Variants in PAN3 observed in about 807,000 individuals in gnomAD.
PAN3 encodes poly(A) specific ribonuclease subunit PAN3.
Under a neutral mutation model 96.2 loss-of-function variants are expected in PAN3, and 19 were observed. The ratio of observed to expected loss-of-function variants is 0.20; its 90% CI spans 0.14 to 0.29. The LOEUF (loss-of-function observed/expected upper bound fraction) is 0.29, where lower values mean the gene tolerates loss of function less well. Ranked by LOEUF, PAN3 falls within the 10% of genes least tolerant of loss-of-function variation. PAN3 has a pLI of 1.00. For synonymous variants in PAN3, 433 were observed against 406.6 expected, an observed-to-expected ratio of 1.06 and a Z score of -0.78; for missense variants, 882 against 1,108.1, an observed-to-expected ratio of 0.80 and a Z score of 2.90.
intron 6 of PAN3, among the ~76,000 whole-genome samples, chr13:28,221,230 G>GACA (rs1881371637): frequency 6.6e-6 from 1 of 151,952 alleles, no homozygotes; most frequent in Admixed American, 6.6e-5. Context: ...CAATCACATT[G>GACA]AATTCATAGT....
At chr13:28,177,792 C>A in intron 3 of PAN3, 73 bp from the exon 4 acceptor site, 2 of 1,224,794 alleles carry the variant, frequency 1.6e-6, no homozygotes, top group South Asian at 2.5e-5. Context: ...TAGGCATTGT[C>A]AAATTAAACA....
intron 1 of PAN3, among the ~76,000 whole-genome samples, chr13:28,169,222 C>CTTTTTTTTTTTTTTT (rs202200725): frequency 1.2e-4 from 9 of 74,990 alleles, no homozygotes; most frequent in Admixed American, 2.0e-4. Flanking sequence ...TTTTTGTTTG[C>CTTTTTTTTTTTTTTT]TTTTTTTTTT....
rs1869933959 is a variant in PAN3, at chr13:28,292,935, G to A, written c.*413G>A. 3.3e-5 allele frequency: 5 copies of A among 153,496 alleles called. No individual in the cohort carries two copies. The Admixed American group carries it at 3.3e-4, about 10-fold the overall frequency. The allele number at this position is 153,496 out of a possible 1,614,324, so 9.5% of individuals were successfully genotyped here. The stretch of plus-strand genomic sequence containing the variant: ...TGCTGGGCAGCGTTTTTGCCATTGA[G>A]GGTTGCAGAATTTGCTCTTTTTGGG... On this transcript the variant is annotated 3_prime_UTR_variant, in exon 19 of 19. Coordinates refer to ENST00000380958, the MANE Select transcript of PAN3 (RefSeq NM_175854.8).
intron 5 of PAN3, chr13:28,215,763 C>G: frequency 2.7e-6 from 4 of 1,458,970 alleles, no homozygotes; most frequent in Non-Finnish European, 3.8e-6. Flanking sequence ...CTCAGACCAT[C>G]CTCTTCTGAG....
chr13:28,232,050 T>G (rs556902685), intron 6 of PAN3, among the ~76,000 whole-genome samples: 2 of 152,324 alleles, frequency 1.3e-5, no homozygotes, highest in South Asian at 4.1e-4. Flanking sequence ...AAGGTAAACA[T>G]TTAGCACTTT....
In PAN3 at chr13:28,175,130, A is replaced by T. The variant is rs934432791; in HGVS notation, c.552+737A>T. Among the ~76,000 whole-genome samples, 3 of 152,228 alleles carry T rather than the reference A, an allele frequency of 2.0e-5. No individual in the cohort carries two copies. In the East Asian group the frequency reaches 5.8e-4, roughly 29 times the overall value. ...TAGTGTTTTTAATTGGAAAACTGCCATAATAGTAAAGGCAATGTATTGTCC... is the reference window on the plus strand; with the variant it reads ...TAGTGTTTTTAATTGGAAAACTGCCTTAATAGTAAAGGCAATGTATTGTCC... On this transcript the variant is annotated intron_variant, in intron 2 of 18. Transcript: ENST00000380958.
intron 1 of PAN3, among the ~76,000 whole-genome samples, chr13:28,141,069 T>A (rs893096886): frequency 6.7e-6 from 1 of 148,674 alleles, no homozygotes; most frequent in Non-Finnish European, 1.5e-5. Context: ...AGTGGTGCGA[T>A]CTCGGCTCAC....
intron 5 of PAN3, among the ~76,000 whole-genome samples, chr13:28,211,067 A>AT (rs1176683619): frequency 2.0e-5 from 3 of 151,958 alleles, no homozygotes; most frequent in Non-Finnish European, 2.9e-5. Flanking sequence ...AATTTAAAAA[A>AT]ATTTTTTTTT....
intron 6 of PAN3, among the ~76,000 whole-genome samples, chr13:28,235,696 T>TAC (rs34812975): frequency 0.61 from 85,235 of 140,366 alleles, 27,284 homozygotes; most frequent in Admixed American, 0.72. Context: ...CACACACACA[T>TAC]ACACACACAC....
chr13:28,245,163 T>C (rs1477810571), intron 6 of PAN3, among the ~76,000 whole-genome samples: 1 of 152,196 alleles, frequency 6.6e-6, no homozygotes, highest in Non-Finnish European at 1.5e-5. Context: ...GCTAATATTT[T>C]TAAATTTTGT....
At chr13:28,228,347 T>A (rs1882211969) in intron 6 of PAN3, among the ~76,000 whole-genome samples, 1 of 152,144 alleles carries the variant, frequency 6.6e-6, no homozygotes, top group South Asian at 2.1e-4. Context: ...GGTAGGGTCT[T>A]AGTAAAAGGA....
At chr13:28,193,791 CT>C (rs202027470) in intron 4 of PAN3, among the ~76,000 whole-genome samples, 2,747 of 149,162 alleles carry the variant, frequency 0.018, 80 homozygotes, top group African/African-American at 0.064. Flanking sequence ...GAGCAACAAC[CT>C]TTTTTTTCAA....
chr13:28,290,305 CG>C lies in PAN3; in HGVS notation c.2524-2075del, dbSNP rs202099300. On this transcript the variant is annotated intron_variant, in intron 18 of 18. Coordinates refer to ENST00000380958, the MANE Select transcript of PAN3 (RefSeq NM_175854.8). Reference sequence around the variant, plus strand: ...TGGTAACCTTTCAGGGAAAATGTTACGGTTTGTTTTTAAGCACTACTTTGCC... The same window carrying C: ...TGGTAACCTTTCAGGGAAAATGTTACGTTTGTTTTTAAGCACTACTTTGCC... 1.0e-3 allele frequency among the ~76,000 whole-genome samples: 155 copies of C among 152,282 alleles called. 1 individual carries two copies. The East Asian group carries it at 0.021, about 20-fold the overall frequency.
intron 16 of PAN3, among the ~76,000 whole-genome samples, chr13:28,280,832 A>T (rs1369411864): frequency 2.0e-5 from 3 of 152,204 alleles, no homozygotes; most frequent in Admixed American, 1.3e-4. Context: ...AAGTGCTGGG[A>T]TTACAGGCGT....
intron 1 of PAN3, among the ~76,000 whole-genome samples, chr13:28,150,646 A>G (rs1871257111): frequency 6.6e-6 from 1 of 152,086 alleles, no homozygotes; most frequent in Admixed American, 6.6e-5. Context: ...CCAAAAAAAA[A>G]AAAAAAAAGA....
rs115522714 is a variant in PAN3, at chr13:28,149,809, G to A, written c.430+10722G>A. Among the ~76,000 whole-genome samples, 1,040 of 152,168 alleles carry A rather than the reference G, an allele frequency of 6.8e-3. 11 individuals carry two copies. Among genetic ancestry groups the A allele is most frequent in the African/African-American group, 0.024 (1,004 of 41,504 alleles). On this transcript the variant is annotated intron_variant, in intron 1 of 18. Transcript: ENST00000380958. ...TTTTTAAATTTTTTGTAGAGATAGG[G>A]TCTTGCTGTGTTGCCCAGGATGGTC...
chr13:28,181,540 A>T (rs1875781697), intron 4 of PAN3, among the ~76,000 whole-genome samples: 2 of 151,838 alleles, frequency 1.3e-5, no homozygotes, highest in South Asian at 4.1e-4. Context: ...GCCCAAAACA[A>T]AACAAAGTAC....
At chr13:28,246,317 G>C (rs1376591187) in intron 6 of PAN3, among the ~76,000 whole-genome samples, 2 of 151,598 alleles carry the variant, frequency 1.3e-5, no homozygotes, top group African/African-American at 4.8e-5. Flanking sequence ...TTTTTAAATT[G>C]ATACATAATA....
chr13:28,180,970 T>A (rs1276191214), intron 4 of PAN3, among the ~76,000 whole-genome samples: 1 of 152,174 alleles, frequency 6.6e-6, no homozygotes, highest in Non-Finnish European at 1.5e-5. Flanking sequence ...GATTGCTAGG[T>A]AGCAAAGAAT....
Sources: allele counts gnomAD v4.1 joint callset (sites outside exome capture counted in the v4.1 genomes callset), GRCh38; gene constraint gnomAD v4.1.1; transcripts MANE v1.5; gene names NCBI Gene and HGNC (gene_info 2026-07-23, HGNC 2026-07-21).